THBS4: variants seen among roughly 807,000 people sequenced by gnomAD.
THBS4 encodes the protein thrombospondin 4.
In THBS4, 90 loss-of-function variants were observed where a neutral mutation model predicts 115.7. The observed-to-expected ratio is 0.78, with a 90% confidence interval of 0.66 to 0.93. The LOEUF (loss-of-function observed/expected upper bound fraction) is 0.93, where lower values mean the gene tolerates loss of function less well. Ranked by LOEUF, THBS4 falls within the 40% of genes least tolerant of loss-of-function variation. The probability of loss-of-function intolerance (pLI) is 0.00; values close to 1 mark genes in which losing one functional copy is unlikely to be tolerated. For synonymous variants in THBS4, 460 were observed against 479.3 expected, an observed-to-expected ratio of 0.96 and a Z score of 0.53; for missense variants, 1,087 against 1,232.7, an observed-to-expected ratio of 0.88 and a Z score of 1.77.
intron 1 of THBS4, among the ~76,000 whole-genome samples, chr5:79,992,611 C>T (rs1020086864): frequency 3.3e-5 from 5 of 152,134 alleles, no homozygotes; most frequent in Non-Finnish European, 7.4e-5. Context: ...TTAAAACTGT[C>T]GAAACATTTA....
intron 8 of THBS4, 104 bp from the exon 9 acceptor site, chr5:80,065,305 C>T (rs893020367): frequency 1.0e-5 from 10 of 985,652 alleles, no homozygotes; most frequent in East Asian, 2.6e-5. Context: ...CCCGAAATTC[C>T]GCATCTTCAC....
chr5:80,041,149 C>T (rs573744043), intron 2 of THBS4, among the ~76,000 whole-genome samples: 30 of 152,282 alleles, frequency 2.0e-4, no homozygotes, highest in Non-Finnish European at 3.5e-4. Context: ...CAAACCATAC[C>T]ACCCGCAGAT....
chr5:80,021,956 G>A (rs6875852), intron 2 of THBS4, among the ~76,000 whole-genome samples: 19,144 of 152,076 alleles, frequency 0.13, 1,516 homozygotes, highest in South Asian at 0.25. Flanking sequence ...AGCCAAAATC[G>A]GGAGAGGCAA....
At chr5:80,042,390 T>A (rs544537759) in intron 2 of THBS4, among the ~76,000 whole-genome samples, 2 of 152,366 alleles carry the variant, frequency 1.3e-5, no homozygotes, top group Admixed American at 1.3e-4. Context: ...AAGATTTTTC[T>A]TTCGGTTCAT....
At chr5:80,011,383 A>C (rs1832122900) in intron 2 of THBS4, among the ~76,000 whole-genome samples, 1 of 152,168 alleles carries the variant, frequency 6.6e-6, no homozygotes, top group Admixed American at 6.5e-5. Flanking sequence ...AACAGCCACC[A>C]TAGTTGCCAC....
rs777725621 is a variant in THBS4 at position 79,992,421 on chromosome 5, A to G, written n.81+1009A>G. ...CTTTTCGTAAAATTACTATTCAACA[A>G]ATATTTGCTAGGCACTCCCTTACTG... On this transcript the variant is annotated intron_variant and non_coding_transcript_variant, in intron 1 of 3. Coordinates refer to the THBS4 transcript ENST00000510218. Among the ~76,000 whole-genome samples the G allele has an allele frequency of 2.6e-5, 4 of 152,230 alleles. No individual in the cohort carries two copies. The South Asian group carries it at 6.2e-4, about 24-fold the overall frequency.
chr5:80,066,237 A>C (rs540302527), intron 9 of THBS4: 1 of 152,304 alleles, frequency 6.6e-6, no homozygotes, highest in African/African-American at 2.4e-5. Context: ...CCAAGATGAG[A>C]GATGTACCAG....
At chr5:80,053,898 G>C (rs1434930197) in intron 2 of THBS4, among the ~76,000 whole-genome samples, 1 of 152,110 alleles carries the variant, frequency 6.6e-6, no homozygotes, top group Non-Finnish European at 1.5e-5. Flanking sequence ...AATCACTTTG[G>C]TCTTTCTAGC....
chr5:80,048,031 C>T (rs1027353638), intron 2 of THBS4, among the ~76,000 whole-genome samples: 2 of 152,150 alleles, frequency 1.3e-5, no homozygotes, highest in African/African-American at 4.8e-5. Flanking sequence ...AGGAGGATCA[C>T]TTGAGCCCAG....
intron 2 of THBS4, among the ~76,000 whole-genome samples, chr5:80,047,241 C>A (rs1045987400): frequency 6.6e-6 from 1 of 152,178 alleles, no homozygotes; most frequent in African/African-American, 2.4e-5. Flanking sequence ...AGCTAAGAGT[C>A]CCACTGTACT....
At chr5:80,051,538 A>T (rs950414973) in intron 2 of THBS4, among the ~76,000 whole-genome samples, 1 of 152,140 alleles carries the variant, frequency 6.6e-6, no homozygotes, top group Non-Finnish European at 1.5e-5. Flanking sequence ...TGCTATTGTC[A>T]TGAGATCTAG....
chr5:80,007,679 A>G (rs1166718152), intron 2 of THBS4, among the ~76,000 whole-genome samples: 2 of 152,198 alleles, frequency 1.3e-5, no homozygotes, highest in African/African-American at 4.8e-5. Flanking sequence ...ATAGAACTGT[A>G]GCCCAGAGAA....
At position 80,053,590 on chromosome 5, in the gene THBS4, C is replaced by T. The variant is rs6897811; in HGVS notation, c.293-2195C>T. ...CTTTAAGTTCTACTTAACGCTTTCC[C>T]ACCCTGGGACAGCTGAAGACTGGCC... On this transcript the variant is annotated intron_variant, in intron 2 of 21. Transcript: ENST00000350881. 3.4e-3 allele frequency among the ~76,000 whole-genome samples: 503 copies of T among 149,480 alleles called. 5 individuals are homozygous for T. Among genetic ancestry groups the T allele is most frequent in the African/African-American group, 0.01 (428 of 40,950 alleles).
At chr5:79,999,988 G>C (rs1360247452) in intron 2 of THBS4, among the ~76,000 whole-genome samples, 1 of 152,154 alleles carries the variant, frequency 6.6e-6, no homozygotes, top group Non-Finnish European at 1.5e-5. Context: ...CATAGCTTTT[G>C]GAACTGTCTT....
intron 3 of THBS4, among the ~76,000 whole-genome samples, chr5:80,056,452 A>G (rs1297856318): frequency 6.6e-6 from 1 of 152,158 alleles, no homozygotes; most frequent in Non-Finnish European, 1.5e-5. Flanking sequence ...ATGATTAGAA[A>G]CTGCCAAGCT....
chr5:80,077,014 G>A lies in THBS4; in HGVS notation c.2052G>A (p.Arg684=), dbSNP rs749376451. Residue 684 remains arginine, a synonymous_variant, in exon 16 of 22, where the codon CGG becomes CGA. Coordinates refer to ENST00000350881, the MANE Select transcript of THBS4 (RefSeq NM_003248.6). ...TGCCCCCTGGACCAGACAACTGCCG[G>A]CTGGTCCCCAACCCAGCCCAGGAGG... ...DLVPPGPDNC[R]LVPNPAQEDS... is the part of the protein sequence containing the mutation. The A allele has an allele frequency of 9.3e-6, 15 of 1,611,108 alleles. No homozygotes were observed. The highest frequency in any genetic ancestry group is 1.7e-5 in the Admixed American group (1 of 59,796).
chr5:80,018,616 A>G (rs1449963506), intron 2 of THBS4, among the ~76,000 whole-genome samples: 2 of 152,052 alleles, frequency 1.3e-5, no homozygotes, highest in Non-Finnish European at 2.9e-5. Context: ...GCTGTTCTCA[A>G]ACTCCTGACT....
intron 15 of THBS4, among the ~76,000 whole-genome samples, chr5:80,075,842 T>C (rs139021534): frequency 6.6e-4 from 101 of 152,306 alleles, no homozygotes; most frequent in Non-Finnish European, 1.2e-3. Context: ...AGCCACATCA[T>C]TTTCTGCTTG....
In THBS4 at chr5:80,083,093, G is replaced by A. The variant is rs777519699; in HGVS notation, c.2838G>A (p.Glu946=). ...TTCCTATTGCAGACACCATCCCTGA[G>A]GACTTCCAAGAGTTTCAAACCCAGA... ...LKYRCNDTIP[E]DFQEFQTQNF... The change falls in exon 22 of 22, where the codon GAG becomes GAA. Residue 946 remains glutamate (E), a synonymous_variant. Transcript: ENST00000350881. The A allele has an allele frequency of 6.2e-7, 1 of 1,613,902 alleles. No homozygotes were observed.
Sources: gnomAD v4.1 joint callset for allele counts (sites outside exome capture counted in the v4.1 genomes callset) on GRCh38, gnomAD v4.1.1 for gene constraint, MANE v1.5 for transcripts, NCBI Gene and HGNC (gene_info 2026-07-23, HGNC 2026-07-21) for gene names.